Variants in TGM5 observed in about 807,000 individuals in gnomAD.
TGM5 encodes protein-glutamine gamma-glutamyltransferase 5.
TGM5 carries 69 observed loss-of-function variants against 77.2 expected under a neutral mutation model. The observed-to-expected ratio is 0.89, with a 90% CI of 0.74 to 1.09. TGM5 has a LOEUF of 1.09. Among genes scored for constraint, TGM5 ranks in the 50% least tolerant of loss-of-function variants. TGM5 has a pLI of 0.00. For synonymous variants in TGM5, 346 were observed against 351.8 expected, an observed-to-expected ratio of 0.98 and a Z score of 0.18; for missense variants, 842 against 896.5, an observed-to-expected ratio of 0.94 and a Z score of 0.78.
intron 6 of TGM5, among the ~76,000 whole-genome samples, chr15:43,252,300 G>A (rs1292840147): frequency 3.3e-5 from 5 of 152,136 alleles, no homozygotes; most frequent in South Asian, 2.1e-4. Context: ...TCTGAGGTCC[G>A]TGATGAGACA....
intron 7 of TGM5, among the ~76,000 whole-genome samples, chr15:43,240,158 G>A (rs1011529392): frequency 1.3e-5 from 2 of 151,938 alleles, no homozygotes; most frequent in African/African-American, 2.4e-5. Flanking sequence ...ATAAAAACTG[G>A]CCATAAAAAA....
At chr15:43,241,206 GCTC>G (rs2042633707) in intron 6 of TGM5, 3 of 628,848 alleles carry the variant, frequency 4.8e-6, no homozygotes, top group Non-Finnish European at 2.8e-6. Flanking sequence ...GATGCTGACT[GCTC>G]AGACAAGCAC....
At chr15:43,233,409 C>G (rs1424702344) in intron 12 of TGM5, 65 bp from the exon 13 acceptor site, 2 of 1,611,178 alleles carry the variant, frequency 1.2e-6, no homozygotes, top group African/African-American at 2.7e-5. Context: ...AGCCCTTTTC[C>G]ACCCAGCTTC....
chr15:43,256,354 G>A (rs989577160), intron 4 of TGM5, among the ~76,000 whole-genome samples: 5 of 152,126 alleles, frequency 3.3e-5, no homozygotes, highest in African/African-American at 1.2e-4. Flanking sequence ...CTTACCCTTA[G>A]CTCTTGTTGT....
At chr15:43,260,815 C>CT in intron 1 of TGM5, 1 of 600,800 alleles carries the variant, frequency 1.7e-6, no homozygotes, top group East Asian at 3.0e-5. Flanking sequence ...CTCTGACCCT[C>CT]TATCTTCTTC....
Position 43,253,492 on chromosome 15 carries a change from G to T in TGM5, c.684+14C>A, listed in dbSNP as rs371711595. ...CACAGCTTCCTCCCTCCCCGGGCACGCCAGGGACCTCACCATGGCACACAC... is the reference window on the plus strand; with the variant it reads ...CACAGCTTCCTCCCTCCCCGGGCACTCCAGGGACCTCACCATGGCACACAC... On this transcript the variant is annotated intron_variant, in intron 5 of 12. Coordinates refer to ENST00000220420, the MANE Select transcript of TGM5 (RefSeq NM_201631.4). 3.1e-6 allele frequency: 5 copies of T among 1,609,770 alleles called. No individual in the cohort carries two copies. Among genetic ancestry groups the T allele is most frequent in the Admixed American group, 1.7e-5 (1 of 60,002 alleles).
Position 43,253,549 on chromosome 15 carries a change from A to C in TGM5, c.641T>G (p.Leu214Arg). The change falls in exon 5 of 13, where the codon CTG becomes CGG. Residue 214 changes from leucine to arginine, a missense_variant. Transcript: ENST00000220420. ...FQTDPATDCA[L>R]RGSPVYVSRV... The stretch of plus-strand genomic sequence containing the variant: ...GCTGACGTAGACGGGGCTTCCCCGC[A>C]GAGCACAGTCTGTGGCTGGGTCAGT... 1.2e-6 allele frequency: 2 copies of C among 1,613,778 alleles called. No individual in the cohort carries two copies. The highest frequency in any genetic ancestry group is 1.7e-6 in the Non-Finnish European group (2 of 1,180,042).
chr15:43,259,160 A>AGACCCGTTCTCTACTCCT (rs1320256326), intron 3 of TGM5, among the ~76,000 whole-genome samples: 1 of 152,132 alleles, frequency 6.6e-6, no homozygotes, highest in African/African-American at 2.4e-5. Flanking sequence ...AAAGCACAGC[A>AGACCCGTTCTCTACTCCT]GACCCGTTCT....
At chr15:43,247,427 C>T (rs1242567137) in intron 6 of TGM5, among the ~76,000 whole-genome samples, 2 of 151,982 alleles carry the variant, frequency 1.3e-5, no homozygotes, top group African/African-American at 2.4e-5. Flanking sequence ...CTCCAAACTT[C>T]AGCATCATGT....
At chr15:43,243,251 AT>A (rs1175513874) in intron 6 of TGM5, among the ~76,000 whole-genome samples, 1 of 152,214 alleles carries the variant, frequency 6.6e-6, no homozygotes, top group Non-Finnish European at 1.5e-5. Flanking sequence ...GGCAAGGCCC[AT>A]TTTGCATCTT....
intron 4 of TGM5, 23 bp downstream of exon 4, chr15:43,256,545 C>G (rs375688118): frequency 6.3e-7 from 1 of 1,583,942 alleles, no homozygotes; most frequent in East Asian, 2.2e-5. Flanking sequence ...CCGGGATGGG[C>G]CATAAGCAGG....
At chr15:43,247,884 A>G (rs935664121) in intron 6 of TGM5, 1 of 152,260 alleles carries the variant, frequency 6.6e-6, no homozygotes, top group South Asian at 2.1e-4. Flanking sequence ...AGATAATAAT[A>G]TGATTTTTTT....
At position 43,239,273 on chromosome 15, in the gene TGM5, C is replaced by A. The variant is rs772422230; in HGVS notation, c.1002-7G>T. 1 of 1,613,896 alleles carries A rather than the reference C, an allele frequency of 6.2e-7. No individual in the cohort carries two copies. The highest frequency in any genetic ancestry group is 1.3e-5 in the African/African-American group (1 of 74,916). Reference sequence around the variant, plus strand: ...ATTCCAGACATGGAAGTTCCTGTGTCAAACAGAGCCAAGGGAGACGTTGTA... The same window carrying A: ...ATTCCAGACATGGAAGTTCCTGTGTAAAACAGAGCCAAGGGAGACGTTGTA... On this transcript the variant is annotated splice_region_variant and splice_polypyrimidine_tract_variant and intron_variant, in intron 7 of 12. Transcript: ENST00000220420.
chr15:43,260,610 T>G, intron 1 of TGM5, 31 bp from the exon 2 acceptor site: 1 of 1,613,526 alleles, frequency 6.2e-7, no homozygotes, highest in Middle Eastern at 1.6e-4. Flanking sequence ...TTAGACAAAA[T>G]AGTGGGGTTG....
intron 3 of TGM5, among the ~76,000 whole-genome samples, chr15:43,258,344 A>C (rs964088231): frequency 3.3e-5 from 5 of 152,178 alleles, no homozygotes; most frequent in Non-Finnish European, 7.3e-5. Context: ...TGTGGTGTGC[A>C]ATTTACCTAC....
At chr15:43,246,755 A>C (rs1255651554) in intron 6 of TGM5, among the ~76,000 whole-genome samples, 4 of 152,160 alleles carry the variant, frequency 2.6e-5, no homozygotes, top group Non-Finnish European at 5.9e-5. Flanking sequence ...TCTTTGGCTG[A>C]GTGGTAATCT....
intron 6 of TGM5, among the ~76,000 whole-genome samples, chr15:43,242,797 G>A (rs1460436759): frequency 6.6e-6 from 1 of 152,196 alleles, no homozygotes; most frequent in Non-Finnish European, 1.5e-5. Flanking sequence ...GGTGACACAG[G>A]ACAGCTGCAG....
In TGM5 at chr15:43,240,903, T is replaced by C. The variant is rs765336664; in HGVS notation, c.950A>G (p.Tyr317Cys). 1 of 1,614,110 alleles carries C rather than the reference T, an allele frequency of 6.2e-7. No individual in the cohort carries two copies. Among genetic ancestry groups the C allele is most frequent in the Non-Finnish European group, 8.5e-7 (1 of 1,180,044 alleles). ...DTDGNLIIDE[Y>C]YDNTGRILGN... ...CAAAATCCTGCCTGTGTTGTCATAA[T>C]ACTCATCTATGATCAGGTTTCCATC... is the stretch of plus-strand genomic sequence containing the variant. The change falls in exon 7 of 13, where the codon TAT becomes TGT. Residue 317 changes from tyrosine (Y) to cysteine (C), a missense_variant. Transcript: ENST00000220420.
intron 7 of TGM5, among the ~76,000 whole-genome samples, chr15:43,240,321 T>G (rs1226226109): frequency 6.6e-6 from 1 of 152,158 alleles, no homozygotes; most frequent in African/African-American, 2.4e-5. Context: ...TCTATTACCA[T>G]TAGGTCATAC....
Sources: gnomAD v4.1 joint callset for allele counts (sites outside exome capture counted in the v4.1 genomes callset) on GRCh38, gnomAD v4.1.1 for gene constraint, MANE v1.5 for transcripts, NCBI Gene and HGNC (gene_info 2026-07-23, HGNC 2026-07-21) for gene names.